Variants in ABCG2 observed in about 807,000 individuals in gnomAD.
The protein encoded by ABCG2 is broad substrate specificity ATP-binding cassette transporter ABCG2.
Under a neutral mutation model 73.5 loss-of-function variants are expected in ABCG2, and 80 were observed. That is an observed-to-expected ratio of 1.09 (90% confidence interval 0.91 to 1.31). The LOEUF (loss-of-function observed/expected upper bound fraction) is 1.31, where lower values mean the gene tolerates loss of function less well. ABCG2 is among the 50% of genes most tolerant of loss of function. The pLI, the probability that ABCG2 is intolerant of heterozygous loss-of-function variation, is 0.00. For missense variants in ABCG2, 796 were observed against 786.2 expected (o/e 1.01, Z -0.15); for synonymous variants, 269 against 282.4 (o/e 0.95, Z 0.48).
intron 4 of ABCG2, among the ~76,000 whole-genome samples, 178 bp downstream of exon 4, chr4:88,131,625 C>T (rs1724882518): frequency 6.6e-6 from 1 of 152,184 alleles, no homozygotes; most frequent in Non-Finnish European, 1.5e-5. Flanking sequence ...GGCCATATTC[C>T]AGATTCTCCC....
chr4:88,114,032 G>T (rs1422326084), intron 8 of ABCG2, among the ~76,000 whole-genome samples: 1 of 152,056 alleles, frequency 6.6e-6, no homozygotes, highest in African/African-American at 2.4e-5. Flanking sequence ...GCCAGGCACA[G>T]TGGCTCACTC....
intron 1 of ABCG2, among the ~76,000 whole-genome samples, chr4:88,142,363 A>G (rs1200937538): frequency 6.6e-6 from 1 of 152,204 alleles, no homozygotes; most frequent in Non-Finnish European, 1.5e-5. Flanking sequence ...ATATCATAAT[A>G]AAACTGCCAA....
chr4:88,146,065 A>G lies in ABCG2; in HGVS notation c.-19-6051T>C, dbSNP rs538070899. Among the ~76,000 whole-genome samples, 123 of 152,266 alleles carry G rather than the reference A, an allele frequency of 8.1e-4. No individual in the cohort carries two copies. The South Asian group carries it at 0.01, about 13-fold the overall frequency. Reference sequence around the variant, plus strand: ...GAGCCATGCTTGGATAACAGAGGCAATGACAGTGGGGACATCAAAGGTTAA... The same window carrying G: ...GAGCCATGCTTGGATAACAGAGGCAGTGACAGTGGGGACATCAAAGGTTAA... On this transcript the variant is annotated intron_variant, in intron 1 of 15. Transcript: ENST00000237612.
chr4:88,159,371 A>T, upstream of ABCG2: 1 of 359,614 alleles, frequency 2.8e-6, no homozygotes, highest in East Asian at 7.9e-5. Flanking sequence ...CTTGCGCCCC[A>T]GGGCCTAAAA....
chr4:88,168,856 C>A (rs1462315529), intron 1 of ABCG2, among the ~76,000 whole-genome samples: 2 of 141,220 alleles, frequency 1.4e-5, no homozygotes, highest in African/African-American at 3.0e-5. Context: ...GTATACCTGT[C>A]ACTCAGATTA....
intron 1 of ABCG2, among the ~76,000 whole-genome samples, chr4:88,149,067 T>C (rs1726260017): frequency 1.3e-5 from 2 of 152,154 alleles, no homozygotes; most frequent in South Asian, 2.1e-4. Context: ...ATTGAAAAAT[T>C]AGCCGGGTGT....
intron 1 of ABCG2, among the ~76,000 whole-genome samples, chr4:88,193,764 A>G (rs1191723516): frequency 6.6e-6 from 1 of 152,200 alleles, no homozygotes; most frequent in African/African-American, 2.4e-5. Context: ...TTTTATTTTG[A>G]GACAGAGTCT....
chr4:88,158,939 C>T (rs1727151758), upstream of ABCG2: 2 of 347,924 alleles, frequency 5.7e-6, no homozygotes, highest in Non-Finnish European at 1.1e-5. Context: ...CCCGGGTTTC[C>T]CCAGGTCGGG....
chr4:88,113,044 A>C lies in ABCG2; in HGVS notation c.1194+259T>G, dbSNP rs538547991. ...AGGATCACTTGAGCCCAGGGAGGTC[A>C]GGGCTGCAGTGAGCTGAGTTCATGC... On this transcript the variant is annotated intron_variant, in intron 9 of 15. Transcript: ENST00000237612. Among the ~76,000 whole-genome samples, 5 of 152,316 alleles carry C rather than the reference A, an allele frequency of 3.3e-5. No homozygotes were observed. In the South Asian group the frequency reaches 1.0e-3, roughly 32 times the overall value.
Position 88,099,405 on chromosome 4 carries a change from G to A in ABCG2, c.1411C>T (p.Leu471Phe). Residue 471 changes from leucine to phenylalanine, a missense_variant, in exon 12 of 16, where the codon CTT becomes TTT. Transcript: ENST00000237612. Reference protein sequence around the residue: ...SGYYRVSSYFLGKLLSDLLPM... With the variant: ...SGYYRVSSYFFGKLLSDLLPM... ...AATAAATCAGATAACAGTTTTCCAA[G>A]GAAATAAGATGACACTCTGTAGTAT... 6.2e-7 allele frequency: 1 copy of A among 1,612,058 alleles called. No homozygotes were observed. Among genetic ancestry groups the A allele is most frequent in the Non-Finnish European group, 8.5e-7 (1 of 1,179,054 alleles).
intron 1 of ABCG2, among the ~76,000 whole-genome samples, chr4:88,230,286 A>C (rs1730401343): frequency 1.3e-5 from 1 of 74,120 alleles, no homozygotes. Flanking sequence ...ATTACACCGC[A>C]CCTGTTATAT....
chr4:88,125,615 A>C, intron 5 of ABCG2, among the ~76,000 whole-genome samples: 1 of 147,272 alleles, frequency 6.8e-6, no homozygotes, highest in Non-Finnish European at 1.5e-5. Context: ...CTCAAAAAAA[A>C]AAAAAAAAAA....
intron 1 of ABCG2, among the ~76,000 whole-genome samples, chr4:88,181,978 T>G (rs1189784501): frequency 6.6e-6 from 1 of 151,902 alleles, no homozygotes; most frequent in South Asian, 2.1e-4. Context: ...TAAAAAGATA[T>G]AGAGTCGTCA....
chr4:88,120,379 T>A (rs1723886296), intron 6 of ABCG2, among the ~76,000 whole-genome samples: 1 of 152,030 alleles, frequency 6.6e-6, no homozygotes, highest in African/African-American at 2.4e-5. Context: ...GAATGGTAGA[T>A]CCACCAACAG....
At position 88,121,745 on chromosome 4, in the gene ABCG2, C is replaced by A. The variant is rs1418185254; in HGVS notation, c.579G>T (p.Arg193Ser). 6.2e-7 allele frequency: 1 copy of A among 1,614,072 alleles called. No individual in the cohort carries two copies. Among genetic ancestry groups the A allele is most frequent in the Non-Finnish European group, 8.5e-7 (1 of 1,179,966 alleles). ...TGATAAGCTCCATTCCTATACTAGT[C>A]CTTTTTCTTTCTCCTCCAGACACAC... ...IRGVSGGERK[R>S]TSIGMELITD... The change falls in exon 6 of 16, where the codon AGG (arginine) becomes AGT (serine). Residue 193 changes from arginine (R) to serine (S), a missense_variant. Arg to Ser is a moderately radical substitution (Grantham distance 110, BLOSUM62 -1). Coordinates refer to ENST00000237612, the MANE Select transcript of ABCG2 (RefSeq NM_004827.3).
intron 1 of ABCG2, among the ~76,000 whole-genome samples, chr4:88,197,634 A>T (rs1391166784): frequency 6.6e-6 from 1 of 151,748 alleles, no homozygotes; most frequent in Non-Finnish European, 1.5e-5. Context: ...AATTAAATTA[A>T]AAACTAAAAA....
chr4:88,100,173 TTC>T (rs1722294442), intron 11 of ABCG2, among the ~76,000 whole-genome samples: 1 of 141,074 alleles, frequency 7.1e-6, no homozygotes, highest in Non-Finnish European at 1.5e-5. Flanking sequence ...TAGTGAGACC[TTC>T]TCTCTACAAA....
chr4:88,110,727 T>C (rs1723079772), intron 9 of ABCG2, among the ~76,000 whole-genome samples: 1 of 152,114 alleles, frequency 6.6e-6, no homozygotes, highest in Non-Finnish European at 1.5e-5. Flanking sequence ...GCTTGGCTGC[T>C]TTCACACTAA....
At chr4:88,107,343 T>C in intron 9 of ABCG2, 77 bp from the exon 10 acceptor site, 1 of 951,428 alleles carries the variant, frequency 1.1e-6, no homozygotes, top group East Asian at 2.6e-5. Flanking sequence ...CATTTATTAG[T>C]ATAATATATG....
Sources: allele counts gnomAD v4.1 joint callset (sites outside exome capture counted in the v4.1 genomes callset), GRCh38; gene constraint gnomAD v4.1.1; transcripts MANE v1.5; gene names NCBI Gene and HGNC (gene_info 2026-07-23, HGNC 2026-07-21).